The following SNAP91 variants were observed in gnomAD, a reference collection of about 807,000 sequenced individuals.
The protein encoded by SNAP91 is clathrin coat assembly protein AP180.
In SNAP91, 27 loss-of-function variants were observed where a neutral mutation model predicts 100.3. That is an observed-to-expected ratio of 0.27 (90% CI 0.20 to 0.37). The LOEUF is 0.37. Among genes scored for constraint, SNAP91 ranks in the 10% least tolerant of loss-of-function variants. The pLI, the probability that SNAP91 is intolerant of heterozygous loss-of-function variation, is 1.00. For synonymous variants in SNAP91, 404 were observed against 398.6 expected (o/e 1.01, Z -0.16); for missense variants, 986 against 1,123.7 (o/e 0.88, Z 1.75).
chr6:83,578,484 G>C (rs1823024772), intron 24 of SNAP91, among the ~76,000 whole-genome samples: 1 of 152,224 alleles, frequency 6.6e-6, no homozygotes, highest in African/African-American at 2.4e-5. Context: ...CTTTTCATGT[G>C]CATATTGGCC....
chr6:83,601,339 G>C lies in SNAP91; in HGVS notation c.1256C>G (p.Thr419Ser), dbSNP rs377340950. 2 of 1,613,666 alleles carry C rather than the reference G, an allele frequency of 1.2e-6. No individual in the cohort carries two copies. Among genetic ancestry groups the C allele is most frequent in the Non-Finnish European group, 8.5e-7 (1 of 1,179,776 alleles). ...TPPTTTAEIA[T>S]ASASASTTTT... ...AGTAGTGGAGGCAGAAGCTGAGGCA[G>C]TTGCAATTTCAGCAGTTGTAGTAGG... Residue 419 changes from threonine (T) to serine (S), a missense_variant, in exon 16 of 30, where the codon ACT becomes AGT. Physicochemically the swap from Thr to Ser is moderately conservative, Grantham distance 58 (BLOSUM62 1). Around this residue, in one of 4 missense-constraint regions of SNAP91, gnomAD observed 575 missense variants for 579.9 expected, o/e 0.99. Coordinates refer to ENST00000369694, the MANE Select transcript of SNAP91 (RefSeq NM_001242792.2).
chr6:83,586,231 T>C (rs897264669), intron 22 of SNAP91, among the ~76,000 whole-genome samples: 1 of 152,200 alleles, frequency 6.6e-6, no homozygotes, highest in African/African-American at 2.4e-5. Context: ...CTTTTACCTT[T>C]TATAGGAAAT....
chr6:83,683,975 G>T (rs113813974), intron 2 of SNAP91, among the ~76,000 whole-genome samples: 2 of 152,022 alleles, frequency 1.3e-5, no homozygotes, highest in Admixed American at 6.6e-5. Flanking sequence ...AATAATCTTC[G>T]AACTATCTTC....
chr6:83,669,321 G>C (rs911082636), intron 2 of SNAP91, among the ~76,000 whole-genome samples: 2 of 151,514 alleles, frequency 1.3e-5, no homozygotes, highest in Admixed American at 1.3e-4. Context: ...TTCATTTAAA[G>C]AATTTAAAAA....
At chr6:83,586,471 T>C (rs2092655214) in intron 22 of SNAP91, among the ~76,000 whole-genome samples, 1 of 152,188 alleles carries the variant, frequency 6.6e-6, no homozygotes, top group Non-Finnish European at 1.5e-5. Flanking sequence ...GTGTCTATGA[T>C]GGAAAAACAT....
At chr6:83,583,193 C>G (rs1484575014) in intron 22 of SNAP91, among the ~76,000 whole-genome samples, 3 of 152,080 alleles carry the variant, frequency 2.0e-5, no homozygotes, top group Non-Finnish European at 2.9e-5. Flanking sequence ...CCAGCTGCAC[C>G]CCACCCACAT....
intron 2 of SNAP91, among the ~76,000 whole-genome samples, chr6:83,679,481 G>C (rs575615888): frequency 1.5e-4 from 23 of 152,130 alleles, no homozygotes; most frequent in Non-Finnish European, 1.9e-4. Context: ...AGAAATAAAA[G>C]TCGACAGCAG....
Position 83,571,324 on chromosome 6 carries a change from C to T in SNAP91, c.2442+3686G>A, listed in dbSNP as rs547353665. 5.3e-5 allele frequency among the ~76,000 whole-genome samples: 8 copies of T among 152,194 alleles called. No individual in the cohort carries two copies. The South Asian group carries it at 6.2e-4, about 12-fold the overall frequency. On this transcript the variant is annotated intron_variant, in intron 26 of 29. Coordinates refer to ENST00000369694, the MANE Select transcript of SNAP91 (RefSeq NM_001242792.2). ...TTCACCATGTTGGCCAGGATGGTCT[C>T]GATCTTTTGACCTTGTGATCTGCCT... is the stretch of plus-strand genomic sequence containing the variant.
intron 10 of SNAP91, among the ~76,000 whole-genome samples, chr6:83,615,645 A>G (rs902863856): frequency 6.6e-6 from 1 of 152,158 alleles, no homozygotes; most frequent in Non-Finnish European, 1.5e-5. Flanking sequence ...AGCTCCTACT[A>G]TCCATCATTC....
At chr6:83,580,651 T>G in intron 23 of SNAP91, 52 bp from the exon 24 acceptor site, 2 of 1,493,020 alleles carry the variant, frequency 1.3e-6, no homozygotes, top group Non-Finnish European at 1.8e-6. Flanking sequence ...AAAAAGATCA[T>G]ATGCGAAATT....
At chr6:83,568,512 T>TAATAAC (rs1800940669) in intron 26 of SNAP91, among the ~76,000 whole-genome samples, 1 of 149,410 alleles carries the variant, frequency 6.7e-6, no homozygotes, top group Non-Finnish European at 1.5e-5. Flanking sequence ...TAATAATAAC[T>TAATAAC]TAATAGGTCT....
At chr6:83,568,369 T>C (rs1800520478) in intron 26 of SNAP91, among the ~76,000 whole-genome samples, 1 of 151,884 alleles carries the variant, frequency 6.6e-6, no homozygotes, top group Admixed American at 6.6e-5. Flanking sequence ...TGGGGAGGGA[T>C]AGCATTAGGA....
At chr6:83,635,900 G>A (rs555216978) in intron 8 of SNAP91, among the ~76,000 whole-genome samples, 1 of 152,226 alleles carries the variant, frequency 6.6e-6, no homozygotes, top group South Asian at 2.1e-4. Flanking sequence ...GCTTGTCTGG[G>A]AAAGATTTTA....
chr6:83,564,554 AGAGT>A (rs1793904225), intron 26 of SNAP91, among the ~76,000 whole-genome samples: 2 of 151,968 alleles, frequency 1.3e-5, no homozygotes, highest in African/African-American at 4.8e-5. Context: ...TTGTAGAGAT[AGAGT>A]CTCATTATGT....
chr6:83,641,163 G>A lies in SNAP91; in HGVS notation c.698C>T (p.Ala233Val). The A allele has an allele frequency of 6.5e-7, 1 of 1,533,968 alleles. No individual in the cohort carries two copies. Among genetic ancestry groups the A allele is most frequent in the Non-Finnish European group, 8.8e-7 (1 of 1,141,128 alleles). ...FEMKKGQCKDALEIYKRFLTR... is the reference protein window; with the variant it reads ...FEMKKGQCKDVLEIYKRFLTR... ...TAGAAATCGTTTGTAAATTTCTAGA[G>A]CATCTTTACATTGTCCTTTCTTCAT... Residue 233 changes from alanine to valine, a missense_variant, in exon 8 of 30, where the codon GCT becomes GTT. Around this residue, in one of 4 missense-constraint regions of SNAP91, gnomAD observed 330 missense variants for 447.5 expected, o/e 0.74. Transcript: ENST00000369694.
At chr6:83,652,556 T>C (rs979002345) in intron 7 of SNAP91, among the ~76,000 whole-genome samples, 1 of 152,124 alleles carries the variant, frequency 6.6e-6, no homozygotes, top group Admixed American at 6.5e-5. Context: ...TATAAGCATA[T>C]AGGTATATGC....
At chr6:83,637,503 G>A (rs1312580412) in intron 8 of SNAP91, among the ~76,000 whole-genome samples, 1 of 152,208 alleles carries the variant, frequency 6.6e-6, no homozygotes, top group Non-Finnish European at 1.5e-5. Context: ...GCAGACAGCT[G>A]TGGGGCCCAC....
intron 2 of SNAP91, among the ~76,000 whole-genome samples, chr6:83,669,377 T>TTTCATTTAAA (rs1299731861): frequency 6.6e-6 from 1 of 152,066 alleles, no homozygotes; most frequent in African/African-American, 2.4e-5. Context: ...TTAAAAATTG[T>TTTCATTTAAA]GAGATCTAAA....
Position 83,594,450 on chromosome 6 carries a change from A to T in SNAP91, c.1356T>A (p.Pro452=). The change falls in exon 17 of 30, where the codon CCT becomes CCA. Residue 452 remains proline (P), a synonymous_variant. Transcript: ENST00000369694. Reference sequence around the variant, plus strand: ...GTGCGGCGGCCCCTTCGGATGCTGCAGGGGCCTCCCCAGGAGAAGCTGCAA... The same window carrying T: ...GTGCGGCGGCCCCTTCGGATGCTGCTGGGGCCTCCCCAGGAGAAGCTGCAA... ...DAFAASPGEA[P]AASEGAAAPA... 1 of 1,543,528 alleles carries T rather than the reference A, an allele frequency of 6.5e-7. No individual in the cohort carries two copies. Among genetic ancestry groups the T allele is most frequent in the Non-Finnish European group, 8.7e-7 (1 of 1,144,938 alleles).
Sources: allele counts gnomAD v4.1 joint callset (sites outside exome capture counted in the v4.1 genomes callset), GRCh38; gene constraint gnomAD v4.1.1; regional missense constraint gnomAD v4.1.1; transcripts MANE v1.5; gene names NCBI Gene and HGNC (gene_info 2026-07-23, HGNC 2026-07-21).